The following MAMDC2 variants were observed in gnomAD, a reference collection of about 807,000 sequenced individuals.
MAMDC2 encodes the protein MAM domain containing 2, also known as MAM domain-containing protein 2.
MAMDC2 carries 57 observed loss-of-function variants against 89.8 expected under a neutral mutation model. That is an observed-to-expected ratio of 0.63 (90% CI 0.51 to 0.79). The LOEUF is 0.79. MAMDC2 is among the 30% of genes least tolerant of loss of function. MAMDC2 has a pLI of 0.00. For missense variants in MAMDC2, 800 were observed against 820.6 expected (o/e 0.97, Z 0.31); for synonymous variants, 313 against 293.4 (o/e 1.07, Z -0.68).
intron 7 of MAMDC2, among the ~76,000 whole-genome samples, chr9:70,133,744 G>A (rs1210948186): frequency 6.6e-6 from 1 of 152,192 alleles, no homozygotes; most frequent in Non-Finnish European, 1.5e-5. Flanking sequence ...AAGTTAATGA[G>A]TTAATGTCTG....
intron 11 of MAMDC2, among the ~76,000 whole-genome samples, chr9:70,204,057 G>A (rs1185988377): frequency 2.6e-5 from 4 of 151,586 alleles, no homozygotes; most frequent in East Asian, 1.9e-4. Flanking sequence ...CTCTCAGCTC[G>A]TCAAAGTCAT....
At chr9:70,106,975 C>A in intron 2 of MAMDC2, among the ~76,000 whole-genome samples, 1 of 152,066 alleles carries the variant, frequency 6.6e-6, no homozygotes, top group Non-Finnish European at 1.5e-5. Flanking sequence ...TGAAGAACAT[C>A]AAGCAAAACA....
intron 5 of MAMDC2, among the ~76,000 whole-genome samples, chr9:70,118,694 G>A (rs760302854): frequency 2.0e-5 from 3 of 152,106 alleles, no homozygotes; most frequent in Admixed American, 6.6e-5. Flanking sequence ...TATACCGGAC[G>A]CAGCTTTTGC....
chr9:70,091,217 T>C (rs953534901), intron 2 of MAMDC2, among the ~76,000 whole-genome samples: 4 of 152,160 alleles, frequency 2.6e-5, no homozygotes, highest in Non-Finnish European at 4.4e-5. Flanking sequence ...AGAGTCCACA[T>C]GGAGAGTTGG....
At chr9:70,202,274 AAAC>A (rs893835824) in intron 11 of MAMDC2, among the ~76,000 whole-genome samples, 5 of 151,548 alleles carry the variant, frequency 3.3e-5, no homozygotes, top group Non-Finnish European at 5.9e-5. Context: ...CGTTGGTTTC[AAAC>A]AACATCTTTA....
intron 11 of MAMDC2, among the ~76,000 whole-genome samples, chr9:70,187,836 T>A (rs76042492): frequency 1.3e-5 from 2 of 152,196 alleles, no homozygotes; most frequent in African/African-American, 4.8e-5. Flanking sequence ...ATAATAATGA[T>A]GCTATTTTAT....
In MAMDC2 at chr9:70,218,460, G is replaced by C. The variant is rs370890120; in HGVS notation, c.1775G>C (p.Gly592Ala). Residue 592 changes from glycine (G) to alanine (A), a missense_variant, in exon 12 of 14, where the codon GGG becomes GCG. Transcript: ENST00000377182. The stretch of plus-strand genomic sequence containing the variant: ...ACCTTTTTCTACCACATGTATGGAG[G>C]GGGCACTGGCCTGCTGAGTGTTTAT... Reference protein sequence around the residue: ...CLTFFYHMYGGGTGLLSVYLK... With the variant: ...CLTFFYHMYGAGTGLLSVYLK... 3.1e-6 allele frequency: 5 copies of C among 1,614,048 alleles called. No individual in the cohort carries two copies. In the African/African-American group the frequency reaches 5.3e-5, roughly 17 times the overall value.
chr9:70,210,987 G>A (rs1446589659), intron 11 of MAMDC2, among the ~76,000 whole-genome samples: 1 of 152,172 alleles, frequency 6.6e-6, no homozygotes, highest in Non-Finnish European at 1.5e-5. Context: ...TAGAGTTTCT[G>A]CCAAGAGATC....
chr9:70,108,290 G>A lies in MAMDC2; in HGVS notation c.228G>A (p.Glu76=). The change falls in exon 3 of 14, where the codon GAG becomes GAA. Residue 76 remains glutamate (E), a synonymous_variant. Transcript: ENST00000377182. ...AVLLSPDLQA[E]EWSCLRLVYQ... is the part of the protein sequence containing the mutation. ...TGCTAAGTCCTGACTTACAGGCTGAGGAATGGAGCTGCCTCCGTTTGGTCT... is the reference window on the plus strand; with the variant it reads ...TGCTAAGTCCTGACTTACAGGCTGAAGAATGGAGCTGCCTCCGTTTGGTCT... 2 of 1,614,068 alleles carry A rather than the reference G, an allele frequency of 1.2e-6. No homozygotes were observed. Among genetic ancestry groups the A allele is most frequent in the Non-Finnish European group, 1.7e-6 (2 of 1,179,964 alleles).
chr9:70,210,603 T>C (rs971862890), intron 11 of MAMDC2, among the ~76,000 whole-genome samples: 39 of 152,326 alleles, frequency 2.6e-4, no homozygotes, highest in Non-Finnish European at 4.7e-4. Context: ...CCAGTCTGTG[T>C]CTTTTAATTG....
intron 11 of MAMDC2, among the ~76,000 whole-genome samples, chr9:70,177,264 T>C (rs2032527641): frequency 6.6e-6 from 1 of 152,146 alleles, no homozygotes; most frequent in Non-Finnish European, 1.5e-5. Context: ...ACAAGATCTG[T>C]GATACTGTGA....
At chr9:70,099,588 A>G (rs1828110172) in intron 2 of MAMDC2, among the ~76,000 whole-genome samples, 1 of 152,172 alleles carries the variant, frequency 6.6e-6, no homozygotes, top group Non-Finnish European at 1.5e-5. Flanking sequence ...ATAAAAAGAC[A>G]TGCCCATAGC....
chr9:70,052,467 GC>G (rs1563932514), intron 2 of MAMDC2, among the ~76,000 whole-genome samples: 2 of 152,142 alleles, frequency 1.3e-5, no homozygotes, highest in African/African-American at 4.8e-5. Flanking sequence ...TTCCACCTAT[GC>G]TTTAAGGTCC....
At chr9:70,191,409 T>C (rs1157162508) in intron 11 of MAMDC2, among the ~76,000 whole-genome samples, 1 of 152,242 alleles carries the variant, frequency 6.6e-6, no homozygotes, top group East Asian at 1.9e-4. Flanking sequence ...TTAATCATAA[T>C]TATTTACAGT....
intron 6 of MAMDC2, among the ~76,000 whole-genome samples, chr9:70,130,092 G>A (rs143464600): frequency 0.011 from 1,660 of 151,312 alleles, 30 homozygotes; most frequent in African/African-American, 0.037. Context: ...GACACCAGTC[G>A]TTTAAATTAG....
chr9:70,082,726 C>T (rs879426203), intron 2 of MAMDC2: 6 of 152,026 alleles, frequency 3.9e-5, no homozygotes, highest in Non-Finnish European at 5.9e-5. Flanking sequence ...AGTGACTAGC[C>T]CAGGTTTGGG....
At chr9:70,182,465 G>A (rs1206580786) in intron 11 of MAMDC2, among the ~76,000 whole-genome samples, 1 of 152,082 alleles carries the variant, frequency 6.6e-6, no homozygotes, top group Non-Finnish European at 1.5e-5. Context: ...GTAGAATTTG[G>A]CTGTGAATCC....
chr9:70,066,605 A>G (rs2118059356), intron 2 of MAMDC2, among the ~76,000 whole-genome samples: 1 of 152,286 alleles, frequency 6.6e-6, no homozygotes, highest in East Asian at 1.9e-4. Context: ...GTATGATGGT[A>G]CAGGTTGTTC....
At position 70,221,380 on chromosome 9, in the gene MAMDC2, T is replaced by TATATAGAGAGAG; in HGVS notation, c.1911+2785_1911+2786insTATAGAGAGAGA. ...AAATATATATATATATATATATATA[T>TATATAGAGAGAG]AGAGAGAGAGAGAGAGAGAGAGAGA... On this transcript the variant is annotated intron_variant, in intron 12 of 13. Coordinates refer to ENST00000377182, the MANE Select transcript of MAMDC2 (RefSeq NM_153267.5). Among the ~76,000 whole-genome samples, 58 of 7,042 alleles carry TATATAGAGAGAG rather than the reference T, an allele frequency of 8.2e-3. 3 individuals are homozygous for TATATAGAGAGAG. The highest frequency in any genetic ancestry group is 0.069 in the East Asian group (7 of 102). The allele number at this position is 7,042 out of a possible 152,430, so 4.6% of individuals were successfully genotyped here.
Sources: gnomAD v4.1 joint callset for allele counts (sites outside exome capture counted in the v4.1 genomes callset) on GRCh38, gnomAD v4.1.1 for gene constraint, MANE v1.5 for transcripts, NCBI Gene and HGNC (gene_info 2026-07-23, HGNC 2026-07-21) for gene names.